ADAM28: variants seen among roughly 807,000 people sequenced by gnomAD.
ADAM28 encodes the protein ADAM metallopeptidase domain 28.
Under a neutral mutation model 101.2 loss-of-function variants are expected in ADAM28, and 105 were observed. That is an observed-to-expected ratio of 1.04 (90% CI 0.89 to 1.22). The LOEUF is 1.22. ADAM28 is among the 50% of genes most tolerant of loss of function. The pLI, the probability that ADAM28 is intolerant of heterozygous loss-of-function variation, is 0.00. For missense variants in ADAM28, 1,028 were observed against 945.4 expected (o/e 1.09, Z -1.15); for synonymous variants, 322 against 310.6 (o/e 1.04, Z -0.39).
intron 6 of ADAM28, among the ~76,000 whole-genome samples, chr8:24,316,097 T>TTTATAC (rs1811127967): frequency 9.2e-5 from 14 of 151,602 alleles, no homozygotes; most frequent in African/African-American, 2.9e-4. Flanking sequence ...TTTATTTATA[T>TTTATAC]TTTTTAGCAG....
Position 24,331,347 on chromosome 8 carries a change from A to G in ADAM28, c.1281+20A>G. 6.4e-7 allele frequency: 1 copy of G among 1,574,204 alleles called. No individual in the cohort carries two copies. The highest frequency in any genetic ancestry group is 1.2e-5 in the South Asian group (1 of 83,018). ...TCTGAGGTATGGCCAATCACTTTCT[A>G]AAACGATCTAGTTGGTTTTTCAGTT... On this transcript the variant is annotated intron_variant, in intron 12 of 22. Transcript: ENST00000265769.
At position 24,305,362 on chromosome 8, in the gene ADAM28, GTA is replaced by G. The variant is rs912042219; in HGVS notation, c.151-4530_151-4529del. ...AGCGATGGTGTGTTCACAAGTGTGT[GTA>G]TGTGTGTGTGTGCATGTGTTTCTAT... On this transcript the variant is annotated intron_variant, in intron 2 of 22. Transcript: ENST00000265769. Among the ~76,000 whole-genome samples, 8 of 143,204 alleles carry G rather than the reference GTA, an allele frequency of 5.6e-5. 1 individual carries two copies. The Middle Eastern group carries it at 0.014, about 247-fold the overall frequency. 93.9% of individuals were successfully genotyped at this position (143,204 alleles called of 152,430 possible). A position where few individuals can be genotyped will look rare whatever the true frequency, so the allele number is the denominator to read the frequency against.
Position 24,356,974 on chromosome 8 carries a change from TA to T in ADAM28, c.*2572del, listed in dbSNP as rs1226594174. 4 of 152,192 alleles carry T rather than the reference TA, an allele frequency of 2.6e-5. No individual in the cohort carries two copies. The highest frequency in any genetic ancestry group is 9.7e-5 in the African/African-American group (4 of 41,446). The allele number at this position is 152,192 out of a possible 1,614,324, so 9.4% of individuals were successfully genotyped here. Reference sequence around the variant, plus strand: ...GAGAATATGGAAAGGGTTATTATTATAATTAGGATTTTATTATTCACATTGG... The same window carrying T: ...GAGAATATGGAAAGGGTTATTATTATATTAGGATTTTATTATTCACATTGG... On this transcript the variant is annotated 3_prime_UTR_variant, in exon 23 of 23. Transcript: ENST00000265769.
chr8:24,326,090 C>T (rs543649697), intron 9 of ADAM28, among the ~76,000 whole-genome samples: 16 of 151,664 alleles, frequency 1.1e-4, no homozygotes, highest in Non-Finnish European at 2.9e-5. Flanking sequence ...ATCACTAATA[C>T]AAATGCTTTC....
intron 18 of ADAM28, among the ~76,000 whole-genome samples, chr8:24,343,832 C>T (rs1815085955): frequency 6.6e-6 from 1 of 152,154 alleles, no homozygotes; most frequent in African/African-American, 2.4e-5. Flanking sequence ...ATTTTAATTT[C>T]ACAAATTTTC....
chr8:24,323,863 C>A lies in ADAM28; in HGVS notation c.750C>A (p.Ala250=). The change falls in exon 9 of 23, where the codon GCC becomes GCA. Residue 250 remains alanine, a synonymous_variant. Coordinates refer to ENST00000265769, the MANE Select transcript of ADAM28 (RefSeq NM_014265.6). ...ATAAAAAGCTCAATACTCATGTGGC[C>A]TTAGTTGGTATGGAAATCTGGACTG... is the stretch of plus-strand genomic sequence containing the variant. ...MLYKKLNTHV[A]LVGMEIWTDK... is the part of the protein sequence containing the mutation. 6.2e-7 allele frequency: 1 copy of A among 1,611,814 alleles called. No individual in the cohort carries two copies. Among genetic ancestry groups the A allele is most frequent in the Non-Finnish European group, 8.5e-7 (1 of 1,178,600 alleles).
intron 18 of ADAM28, among the ~76,000 whole-genome samples, chr8:24,344,838 G>T (rs79219104): frequency 0.077 from 11,612 of 151,726 alleles, 808 homozygotes; most frequent in African/African-American, 0.18. Flanking sequence ...TTTCTTCCTG[G>T]TGTAACAATG....
chr8:24,331,272 TTTG>T lies in ADAM28; in HGVS notation c.1228_1230del (p.Cys410del). 1 of 1,612,712 alleles carries T rather than the reference TTTG, an allele frequency of 6.2e-7. No individual in the cohort carries two copies. Among genetic ancestry groups the T allele is most frequent in the Non-Finnish European group, 8.5e-7 (1 of 1,179,318 alleles). On this transcript the variant is annotated inframe_deletion, in exon 12 of 23. Transcript: ENST00000265769. ...CCTACAGATATCATATCCACTCCAATTTGTGGGAACCAGTTGGTGGAAATGGGA... is the reference window on the plus strand; with the variant it reads ...CCTACAGATATCATATCCACTCCAATTGGGAACCAGTTGGTGGAAATGGGA...
At chr8:24,328,386 T>G (rs1475961038) in intron 10 of ADAM28, among the ~76,000 whole-genome samples, 1 of 151,886 alleles carries the variant, frequency 6.6e-6, no homozygotes, top group South Asian at 2.1e-4. Context: ...ACATCCTAGA[T>G]AGAAATGGAA....
intron 1 of ADAM28, among the ~76,000 whole-genome samples, chr8:24,297,304 A>G (rs1464632255): frequency 1.3e-5 from 2 of 152,164 alleles, no homozygotes; most frequent in African/African-American, 4.8e-5. Context: ...TGCAATTTCT[A>G]ATTTCATGAA....
chr8:24,306,363 AATATATAT>A lies in ADAM28; in HGVS notation c.151-3516_151-3509del, dbSNP rs543308272. ...CATCTCAAATACAAATAAATAAATAAATATATATATATATATATATATTTAAAAATATA... is the reference window on the plus strand; with the variant it reads ...CATCTCAAATACAAATAAATAAATAAATATATATATATATTTAAAAATATA... On this transcript the variant is annotated intron_variant, in intron 2 of 22. Coordinates refer to ENST00000265769, the MANE Select transcript of ADAM28 (RefSeq NM_014265.6). Among the ~76,000 whole-genome samples the A allele has an allele frequency of 4.6e-5, 5 of 108,470 alleles. 1 individual carries two copies. The East Asian group carries it at 1.1e-3, about 23-fold the overall frequency. 71.2% of individuals were successfully genotyped at this position (108,470 alleles called of 152,430 possible).
In ADAM28 at chr8:24,326,534, AATTT is replaced by A; in HGVS notation, c.891-16_891-13del. 6.2e-7 allele frequency: 1 copy of A among 1,607,156 alleles called. No individual in the cohort carries two copies. The highest frequency in any genetic ancestry group is 8.5e-7 in the Non-Finnish European group (1 of 1,175,060). ...GCTTAGCATTATAATTTGTTACATCAATTTATTCCTTTCTTGCAGAGCAACAGAA... is the reference window on the plus strand; with the variant it reads ...GCTTAGCATTATAATTTGTTACATCAATTCCTTTCTTGCAGAGCAACAGAA... On this transcript the variant is annotated splice_polypyrimidine_tract_variant and intron_variant, in intron 9 of 22. Coordinates refer to ENST00000265769, the MANE Select transcript of ADAM28 (RefSeq NM_014265.6).
At chr8:24,328,170 A>C (rs1391160013) in intron 10 of ADAM28, among the ~76,000 whole-genome samples, 1 of 151,898 alleles carries the variant, frequency 6.6e-6, no homozygotes, top group South Asian at 2.1e-4. Context: ...CTTTCAAGGG[A>C]ATTTTTTAAA....
At chr8:24,330,154 C>T in intron 11 of ADAM28, 39 bp downstream of exon 11, 1 of 1,596,174 alleles carries the variant, frequency 6.3e-7, no homozygotes, top group South Asian at 1.1e-5. Flanking sequence ...CTATGTAGCC[C>T]TGGTTTTGAT....
intron 14 of ADAM28, among the ~76,000 whole-genome samples, chr8:24,336,556 G>C (rs542039880): frequency 6.9e-6 from 1 of 145,912 alleles, no homozygotes; most frequent in African/African-American, 2.5e-5. Context: ...CTCCAGCCTG[G>C]GTGACAAAGC....
At chr8:24,300,518 G>C (rs1004719751) in intron 2 of ADAM28, among the ~76,000 whole-genome samples, 4 of 151,932 alleles carry the variant, frequency 2.6e-5, no homozygotes, top group Non-Finnish European at 5.9e-5. Context: ...CCAGGTTCAC[G>C]CCATTCTCCG....
intron 2 of ADAM28, among the ~76,000 whole-genome samples, chr8:24,307,245 C>A (rs559524391): frequency 5.3e-4 from 81 of 152,254 alleles, no homozygotes; most frequent in African/African-American, 1.9e-3. Context: ...ATAGGTCTCA[C>A]CCTAGATTAA....
rs559971354 is a variant in ADAM28, at chr8:24,356,793, G to C, written c.*2389G>C. The C allele has an allele frequency of 6.6e-6, 1 of 152,142 alleles. No individual in the cohort carries two copies. The highest frequency in any genetic ancestry group is 2.1e-4 in the South Asian group (1 of 4,820). The allele number at this position is 152,142 out of a possible 1,614,324, so 9.4% of individuals were successfully genotyped here. A position where few individuals can be genotyped will look rare whatever the true frequency, so the allele number is the denominator to read the frequency against. On this transcript the variant is annotated 3_prime_UTR_variant, in exon 23 of 23. Coordinates refer to ENST00000265769, the MANE Select transcript of ADAM28 (RefSeq NM_014265.6). ...CAGTGAAATTATTAGGTTAAATTATGTTTTTATCCAGTTACTCTAAGATAC... is the reference window on the plus strand; with the variant it reads ...CAGTGAAATTATTAGGTTAAATTATCTTTTTATCCAGTTACTCTAAGATAC...
chr8:24,353,235 T>C (rs1306862868), intron 21 of ADAM28, among the ~76,000 whole-genome samples: 2 of 152,094 alleles, frequency 1.3e-5, no homozygotes, highest in Non-Finnish European at 2.9e-5. Flanking sequence ...GATATTTTAC[T>C]TTATGTATAT....
Sources: allele counts gnomAD v4.1 joint callset (sites outside exome capture counted in the v4.1 genomes callset), GRCh38; gene constraint gnomAD v4.1.1; transcripts MANE v1.5; gene names NCBI Gene and HGNC (gene_info 2026-07-23, HGNC 2026-07-21).